The following KIR2DL1 variants were observed in gnomAD, a reference collection of about 807,000 sequenced individuals.
KIR2DL1 encodes killer cell immunoglobulin like receptor, two Ig domains and long cytoplasmic tail 1.
A neutral mutation model predicts 33.9 loss-of-function variants in KIR2DL1; 38 were observed. The ratio of observed to expected loss-of-function variants is 1.12; its 90% CI spans 0.86 to 1.47. KIR2DL1 has a LOEUF of 1.47. KIR2DL1 is among the 40% of genes most tolerant of loss of function. The pLI is 0.00. For missense variants in KIR2DL1, 531 were observed against 433.9 expected, an observed-to-expected ratio of 1.22 and a Z score of -1.99; for synonymous variants, 179 against 165.9, an observed-to-expected ratio of 1.08 and a Z score of -0.61.
rs142714587 is a variant in KIR2DL1 at position 54,775,941 on chromosome 19, G to A, written c.664+483G>A. On this transcript the variant is annotated intron_variant, in intron 4 of 7. Coordinates refer to ENST00000336077, the MANE Select transcript of KIR2DL1 (RefSeq NM_014218.3). ...GAGTCTAGCTCTGTCCCCTATGATG[G>A]AGTGCAGTGGCACAATCTCAGCTCA... 9.4e-3 allele frequency among the ~76,000 whole-genome samples: 1,371 copies of A among 145,646 alleles called. 101 individuals carry two copies. The highest frequency in any genetic ancestry group is 0.032 in the African/African-American group (1,294 of 39,876).
chr19:54,777,388 G>A (rs1375880260), intron 4 of KIR2DL1, among the ~76,000 whole-genome samples: 2 of 148,340 alleles, frequency 1.3e-5, no homozygotes, highest in Non-Finnish European at 3.0e-5. Context: ...ACCTCACCCG[G>A]CCTAAAAGCC....
At chr19:54,777,168 AC>A (rs2076450440) in intron 4 of KIR2DL1, among the ~76,000 whole-genome samples, 2 of 143,366 alleles carry the variant, frequency 1.4e-5, no homozygotes, top group African/African-American at 5.3e-5. Context: ...TCGGCTCACC[AC>A]AACCTCCACC....
Position 54,773,623 on chromosome 19 carries a change from G to C in KIR2DL1, c.361G>C (p.Val121Leu). 6.4e-7 allele frequency: 1 copy of C among 1,571,952 alleles called. No individual in the cohort carries two copies. Among genetic ancestry groups the C allele is most frequent in the South Asian group, 1.1e-5 (1 of 90,092 alleles). Reference protein sequence around the residue: ...VSAPSDPLDIVIIGLYEKPSL... With the variant: ...VSAPSDPLDILIIGLYEKPSL... ...AGCTCCCAGTGACCCTCTGGACATCGTGATCATAGGTGAGAGTGTCCAGAC... is the reference window on the plus strand; with the variant it reads ...AGCTCCCAGTGACCCTCTGGACATCCTGATCATAGGTGAGAGTGTCCAGAC... Residue 121 changes from valine (V) to leucine (L), a missense_variant, in exon 3 of 8, where the codon GTG becomes CTG. Coordinates refer to ENST00000336077, the MANE Select transcript of KIR2DL1 (RefSeq NM_014218.3).
chr19:54,771,418 T>C lies in KIR2DL1; in HGVS notation c.70+534T>C, dbSNP rs2147417582. 1.3e-5 allele frequency among the ~76,000 whole-genome samples: 2 copies of C among 148,400 alleles called. 1 individual carries two copies. Among genetic ancestry groups the C allele is most frequent in the South Asian group, 4.3e-4 (2 of 4,704 alleles). ...TAGGAGTCTCTTACTCAGCACTTGC[T>C]CAAAGTTCTCAGCTGACACTTTTGT... is the stretch of plus-strand genomic sequence containing the variant. On this transcript the variant is annotated intron_variant, in intron 2 of 7. Coordinates refer to ENST00000336077, the MANE Select transcript of KIR2DL1 (RefSeq NM_014218.3).
At chr19:54,782,066 T>G (rs1238874844) in intron 5 of KIR2DL1, among the ~76,000 whole-genome samples, 1 of 151,998 alleles carries the variant, frequency 6.6e-6, no homozygotes, top group African/African-American at 2.4e-5. Flanking sequence ...TATTTCAATG[T>G]GACCCAGTCC....
rs754833948 is a variant in KIR2DL1 at position 54,769,895 on chromosome 19, G to A, written c.34+11G>A. 1.9e-6 allele frequency: 3 copies of A among 1,566,416 alleles called. No individual in the cohort carries two copies. The East Asian group carries it at 6.7e-5, about 35-fold the overall frequency. ...GCATGGCGTGTGTTGGTGAGTCCTGGAAAGCAATAGAGGGAGGGAGTGAGG... is the reference window on the plus strand; with the variant it reads ...GCATGGCGTGTGTTGGTGAGTCCTGAAAAGCAATAGAGGGAGGGAGTGAGG... On this transcript the variant is annotated intron_variant, in intron 1 of 7. Transcript: ENST00000336077.
At position 54,770,876 on chromosome 19, in the gene KIR2DL1, C is replaced by CTTCT; in HGVS notation, c.62_63insTTCT (p.His22SerfsTer3). ...TTCTTCTTGCTGCAGGGGGCCTGGC[C>CTTCT]ACATGAGGGTGAGTCCTTCTCCCAA... On this transcript the variant is annotated frameshift_variant, in exon 2 of 8. Coordinates refer to ENST00000336077, the MANE Select transcript of KIR2DL1 (RefSeq NM_014218.3). LOFTEE classifies it high-confidence loss of function. The CTTCT allele has an allele frequency of 6.3e-7, 1 of 1,584,306 alleles. No individual in the cohort carries two copies.
At chr19:54,781,819 A>T (rs1435347376) in intron 5 of KIR2DL1, among the ~76,000 whole-genome samples, 1 of 152,088 alleles carries the variant, frequency 6.6e-6, no homozygotes, top group Non-Finnish European at 1.5e-5. Context: ...TCCTTGGAGA[A>T]TGCAAGTTGT....
At chr19:54,771,003 C>T in intron 2 of KIR2DL1, 119 bp downstream of exon 2, 1 of 1,410,506 alleles carries the variant, frequency 7.1e-7, no homozygotes, top group East Asian at 2.3e-5. Context: ...CCCTGGGGTG[C>T]TGGGCCCACA....
rs1342276434 is a variant in KIR2DL1 at position 54,771,423 on chromosome 19, G to A, written c.70+539G>A. On this transcript the variant is annotated intron_variant, in intron 2 of 7. Transcript: ENST00000336077. ...GTCTCTTACTCAGCACTTGCTCAAA[G>A]TTCTCAGCTGACACTTTTGTTGTAG... 4.0e-5 allele frequency among the ~76,000 whole-genome samples: 6 copies of A among 148,218 alleles called. 1 individual carries two copies. Among genetic ancestry groups the A allele is most frequent in the African/African-American group, 1.5e-4 (6 of 40,572 alleles).
rs1217157238 is a variant in KIR2DL1, at chr19:54,771,024, T to C, written c.70+140T>C. 45 of 1,297,572 alleles carry C rather than the reference T, an allele frequency of 3.5e-5. 1 individual carries two copies. Among genetic ancestry groups the C allele is most frequent in the Non-Finnish European group, 4.9e-5 (45 of 916,236 alleles). 80.4% of individuals were successfully genotyped at this position (1,297,572 alleles called of 1,614,324 possible). ...GGTGCTGGGCCCACATTTCTGACCT[T>C]GCCTCCCTGGCCTTTCATTCCCTTG... On this transcript the variant is annotated intron_variant, in intron 2 of 7. Coordinates refer to ENST00000336077, the MANE Select transcript of KIR2DL1 (RefSeq NM_014218.3).
chr19:54,773,070 G>A (rs113958611), intron 2 of KIR2DL1, among the ~76,000 whole-genome samples: 16,385 of 128,804 alleles, frequency 0.13, 2 homozygotes, highest in South Asian at 0.2. Flanking sequence ...ACATTAGTTC[G>A]AAATAGATAC....
intron 7 of KIR2DL1, 30 bp from the exon 8 acceptor site, chr19:54,783,607 C>G: frequency 6.2e-7 from 1 of 1,613,984 alleles, no homozygotes; most frequent in Non-Finnish European, 8.5e-7. Context: ...TGTGAGCACC[C>G]TCCCTCACTC....
intron 2 of KIR2DL1, among the ~76,000 whole-genome samples, chr19:54,772,667 C>T (rs1336891797): frequency 6.9e-6 from 1 of 144,830 alleles, no homozygotes; most frequent in Non-Finnish European, 1.5e-5. Flanking sequence ...GACCACACCA[C>T]TTCACTCCAG....
rs543224936 is a variant in KIR2DL1 at position 54,778,280 on chromosome 19, T to C, written c.665-332T>C. Among the ~76,000 whole-genome samples the C allele has an allele frequency of 3.4e-4, 51 of 149,628 alleles. 1 individual carries two copies. The highest frequency in any genetic ancestry group is 1.2e-3 in the African/African-American group (48 of 41,042). ...TCTCAAAAGAAAAAATAAAAAACCA[T>C]TGGATGTAAATGCATGGAATATATC... On this transcript the variant is annotated intron_variant, in intron 4 of 7. Transcript: ENST00000336077.
At position 54,771,012 on chromosome 19, in the gene KIR2DL1, C is replaced by T. The variant is rs1254849301; in HGVS notation, c.70+128C>T. On this transcript the variant is annotated intron_variant, in intron 2 of 7. Transcript: ENST00000336077. The stretch of plus-strand genomic sequence containing the variant: ...AAGGGACCCTGGGGTGCTGGGCCCA[C>T]ATTTCTGACCTTGCCTCCCTGGCCT... 8.9e-6 allele frequency: 12 copies of T among 1,351,072 alleles called. 1 individual carries two copies. The highest frequency in any genetic ancestry group is 2.9e-5 in the African/African-American group (2 of 68,874). 83.7% of individuals were successfully genotyped at this position (1,351,072 alleles called of 1,614,324 possible).
Position 54,783,669 on chromosome 19 carries a change from A to G in KIR2DL1, c.903A>G (p.Thr301=), listed in dbSNP as rs145950245. 4.5e-3 allele frequency: 7,339 copies of G among 1,613,722 alleles called. 1 individual carries two copies. Among genetic ancestry groups the G allele is most frequent in the Non-Finnish European group, 5.1e-3 (5,987 of 1,179,690 alleles). Residue 301 remains threonine, a synonymous_variant, in exon 8 of 8, where the codon ACA becomes ACG. Coordinates refer to ENST00000336077, the MANE Select transcript of KIR2DL1 (RefSeq NM_014218.3). ...DSDEQDPQEV[T]YTQLNHCVFT... is the part of the protein sequence containing the mutation. ...ATGAACAAGACCCTCAGGAGGTGAC[A>G]TACACACAGTTGAATCACTGCGTTT...
At position 54,782,929 on chromosome 19, in the gene KIR2DL1, C is replaced by G. The variant is rs1158434510; in HGVS notation, c.723C>G (p.Pro241=). The G allele has an allele frequency of 6.2e-6, 10 of 1,613,446 alleles. No individual in the cohort carries two copies. The highest frequency in any genetic ancestry group is 1.1e-5 in the South Asian group (1 of 91,072). ...PTEPSSKTGN[P]RHLHILIGTS... is the part of the protein sequence containing the mutation. ...TGTCTCATCTTCTTCCAGGTAACCC[C>G]CGACACCTGCACATTCTGATTGGGA... is the stretch of plus-strand genomic sequence containing the variant. The change falls in exon 6 of 8, where the codon CCC becomes CCG. Residue 241 remains proline, a synonymous_variant. Transcript: ENST00000336077.
intron 1 of KIR2DL1, 25 bp downstream of exon 1, chr19:54,769,909 G>T (rs370404060): frequency 1.3e-6 from 2 of 1,525,092 alleles, no homozygotes; most frequent in East Asian, 2.3e-5. Context: ...GCAATAGAGG[G>T]AGGGAGTGAG....
Sources: gnomAD v4.1 joint callset for allele counts (sites outside exome capture counted in the v4.1 genomes callset) on GRCh38, gnomAD v4.1.1 for gene constraint, MANE v1.5 for transcripts, NCBI Gene and HGNC (gene_info 2026-07-23, HGNC 2026-07-21) for gene names.